Variants in LOXHD1 observed in about 807,000 individuals in gnomAD.
The protein encoded by LOXHD1 is lipoxygenase homology PLAT domains 1.
LOXHD1 carries 205 observed loss-of-function variants against 248.2 expected under a neutral mutation model. The observed-to-expected ratio is 0.83, with a 90% CI of 0.74 to 0.93. The LOEUF (loss-of-function observed/expected upper bound fraction) is 0.93, where lower values mean the gene tolerates loss of function less well. Among genes scored for constraint, LOXHD1 ranks in the 40% least tolerant of loss-of-function variants. The pLI is 0.00. For missense variants in LOXHD1, 2,930 were observed against 2,971.6 expected, an observed-to-expected ratio of 0.99 and a Z score of 0.33; for synonymous variants, 1,113 against 1,162.8, an observed-to-expected ratio of 0.96 and a Z score of 0.87.
intron 37 of LOXHD1, among the ~76,000 whole-genome samples, chr18:46,501,524 G>C (rs1247421992): frequency 1.3e-5 from 2 of 152,178 alleles, no homozygotes; most frequent in African/African-American, 4.8e-5. Flanking sequence ...GCTTCACTCA[G>C]GCATGACTTA....
At chr18:46,520,436 CT>C (rs2144116839) in intron 33 of LOXHD1, 1 of 384,498 alleles carries the variant, frequency 2.6e-6, no homozygotes, top group Non-Finnish European at 5.2e-6. Context: ...GAAACAGAGG[CT>C]TCTGGGCCAC....
chr18:46,503,815 A>T (rs2034389714), intron 37 of LOXHD1, among the ~76,000 whole-genome samples: 1 of 152,174 alleles, frequency 6.6e-6, no homozygotes, highest in African/African-American at 2.4e-5. Context: ...TGTAGCAAAC[A>T]GAGATAAAGA....
intron 12 of LOXHD1, among the ~76,000 whole-genome samples, chr18:46,591,620 TA>T (rs2038169446): frequency 6.6e-6 from 1 of 152,084 alleles, no homozygotes; most frequent in Non-Finnish European, 1.5e-5. Context: ...AGCAAGAGGA[TA>T]TTTCCTTTCA....
chr18:46,609,726 C>T (rs1042389553), intron 6 of LOXHD1, among the ~76,000 whole-genome samples: 2 of 152,150 alleles, frequency 1.3e-5, no homozygotes, highest in South Asian at 4.1e-4. Flanking sequence ...TTACTGTTCT[C>T]GATAACACTA....
intron 4 of LOXHD1, among the ~76,000 whole-genome samples, chr18:46,631,493 G>A (rs2038821696): frequency 6.6e-6 from 1 of 152,174 alleles, no homozygotes; most frequent in Admixed American, 6.5e-5. Flanking sequence ...AGTTTAGAGA[G>A]GGAGGGGACA....
intron 15 of LOXHD1, among the ~76,000 whole-genome samples, chr18:46,570,729 C>T (rs1171156099): frequency 3.3e-5 from 5 of 152,170 alleles, no homozygotes; most frequent in African/African-American, 1.2e-4. Flanking sequence ...TACACTAATA[C>T]AAATGATAGC....
intron 6 of LOXHD1, 67 bp from the exon 7 acceptor site, chr18:46,604,296 C>T (rs770117380): frequency 1.8e-5 from 27 of 1,530,538 alleles, no homozygotes; most frequent in Non-Finnish European, 1.9e-5. Context: ...GAGATCTAAT[C>T]CAATCTTCCA....
intron 14 of LOXHD1, 39 bp downstream of exon 14, chr18:46,577,668 C>A: frequency 6.5e-7 from 1 of 1,539,704 alleles, no homozygotes; most frequent in Non-Finnish European, 8.8e-7. Context: ...GGATCATAAC[C>A]TAAGCTGGAG....
intron 21 of LOXHD1, chr18:46,555,301 T>C (rs866973343): frequency 1.1e-4 from 46 of 421,332 alleles, no homozygotes; most frequent in African/African-American, 7.8e-4. Context: ...CCCATAAAGA[T>C]GGCATGACTT....
chr18:46,568,025 C>T (rs1209815757), intron 16 of LOXHD1, among the ~76,000 whole-genome samples: 2 of 152,188 alleles, frequency 1.3e-5, no homozygotes, highest in African/African-American at 4.8e-5. Flanking sequence ...ATTGATTCAG[C>T]TTAAAATGTA....
rs760257764 is a variant in LOXHD1, at chr18:46,569,421, G to A, written c.2244+21C>T. The stretch of plus-strand genomic sequence containing the variant: ...GGAAATGGGTGGGATGATGTCACAT[G>A]GTCTTGGGAAGGAGACTTACATTTC... On this transcript the variant is annotated intron_variant, in intron 16 of 40. Coordinates refer to ENST00000642948, the MANE Select transcript of LOXHD1 (RefSeq NM_001384474.1). 17 of 1,546,242 alleles carry A rather than the reference G, an allele frequency of 1.1e-5. No individual in the cohort carries two copies. The South Asian group carries it at 1.9e-4, about 17-fold the overall frequency.
At chr18:46,641,349 G>A (rs1328393002) in intron 3 of LOXHD1, among the ~76,000 whole-genome samples, 3 of 152,200 alleles carry the variant, frequency 2.0e-5, no homozygotes, top group Non-Finnish European at 4.4e-5. Context: ...GGACTAGGAA[G>A]GGAAAAGGGA....
At chr18:46,485,247 G>T in intron 38 of LOXHD1, 96 bp from the exon 39 acceptor site, 1 of 1,427,082 alleles carries the variant, frequency 7.0e-7, no homozygotes, top group South Asian at 1.4e-5. Context: ...TCCTTCATTT[G>T]ATCTTAGGCT....
intron 21 of LOXHD1, among the ~76,000 whole-genome samples, chr18:46,548,343 C>A (rs1385005579): frequency 6.6e-6 from 1 of 152,208 alleles, no homozygotes; most frequent in African/African-American, 2.4e-5. Context: ...GGTCCCATCC[C>A]TGTCTGAGTC....
At chr18:46,562,327 C>T (rs1189520706) in intron 18 of LOXHD1, among the ~76,000 whole-genome samples, 1 of 152,334 alleles carries the variant, frequency 6.6e-6, no homozygotes, top group Non-Finnish European at 1.5e-5. Flanking sequence ...TGCAGAAACA[C>T]AAGGCACCCA....
rs369695848 is a variant in LOXHD1, at chr18:46,542,748, G to T, written c.3727C>A (p.Arg1243=). The T allele has an allele frequency of 1.3e-6, 2 of 1,551,576 alleles. No individual in the cohort carries two copies. Among genetic ancestry groups the T allele is most frequent in the Non-Finnish European group, 8.7e-7 (1 of 1,146,986 alleles). The stretch of plus-strand genomic sequence containing the variant: ...ACACCTGTGTTGTCATGGCCAAGCC[G>T]GACTTTCCACAGGTCTCCCAGATCC... ...TLDLGDLWKV[R]LGHDNTGKAP... is the part of the protein sequence containing the mutation. The change falls in exon 24 of 41, where the codon CGG becomes AGG. Residue 1243 remains arginine, a synonymous_variant. Coordinates refer to ENST00000642948, the MANE Select transcript of LOXHD1 (RefSeq NM_001384474.1).
At chr18:46,510,529 C>G (rs2034894829) in intron 34 of LOXHD1, among the ~76,000 whole-genome samples, 1 of 152,206 alleles carries the variant, frequency 6.6e-6, no homozygotes, top group African/African-American at 2.4e-5. Flanking sequence ...ACCTTCAATG[C>G]TGACTGATTG....
intron 4 of LOXHD1, among the ~76,000 whole-genome samples, chr18:46,638,867 G>A (rs1381328193): frequency 2.6e-5 from 4 of 152,142 alleles, no homozygotes; most frequent in Non-Finnish European, 4.4e-5. Flanking sequence ...GTTCAACTGA[G>A]TGATTGTAGG....
intron 27 of LOXHD1, among the ~76,000 whole-genome samples, chr18:46,533,998 C>T (rs1378362636): frequency 1.3e-5 from 2 of 152,168 alleles, no homozygotes; most frequent in Admixed American, 1.3e-4. Context: ...TTTGTGGCTT[C>T]AGAATGTTTT....
Sources: allele counts gnomAD v4.1 joint callset (sites outside exome capture counted in the v4.1 genomes callset), GRCh38; gene constraint gnomAD v4.1.1; transcripts MANE v1.5; gene names NCBI Gene and HGNC (gene_info 2026-07-23, HGNC 2026-07-21).